GALNTL6: variants seen among roughly 807,000 people sequenced by gnomAD.
GALNTL6 encodes polypeptide N-acetylgalactosaminyltransferase like 6.
In GALNTL6, 46 loss-of-function variants were observed where a neutral mutation model predicts 73.7. The observed-to-expected ratio is 0.62, with a 90% CI of 0.49 to 0.80. The LOEUF is 0.80. GALNTL6 is among the 30% of genes least tolerant of loss of function. GALNTL6 has a pLI of 0.00. For synonymous variants in GALNTL6, 259 were observed against 263.7 expected, an observed-to-expected ratio of 0.98 and a Z score of 0.17; for missense variants, 604 against 755.0, an observed-to-expected ratio of 0.80 and a Z score of 2.34.
intron 4 of GALNTL6, among the ~76,000 whole-genome samples, chr4:172,338,788 G>T (rs1473194558): frequency 6.6e-6 from 1 of 152,160 alleles, no homozygotes; most frequent in African/African-American, 2.4e-5. Flanking sequence ...TCTGCCTAAA[G>T]GTTACCTGAA....
intron 8 of GALNTL6, among the ~76,000 whole-genome samples, chr4:172,891,267 T>C (rs1047554339): frequency 1.3e-5 from 2 of 152,314 alleles, no homozygotes; most frequent in South Asian, 4.1e-4. Context: ...GTCTATAGAC[T>C]ACATACTTGC....
At position 172,718,161 on chromosome 4, in the gene GALNTL6, T is replaced by C. The variant is rs577059141; in HGVS notation, c.554-91200T>C. 2.3e-4 allele frequency among the ~76,000 whole-genome samples: 35 copies of C among 152,340 alleles called. 1 individual carries two copies. The South Asian group carries it at 5.8e-3, about 25-fold the overall frequency. On this transcript the variant is annotated intron_variant, in intron 5 of 12. Transcript: ENST00000506823. ...TCTTTAGCAACTGAATAACTGCATT[T>C]CTATTGTGCAGATAATTCAGAAGAA...
intron 3 of GALNTL6, among the ~76,000 whole-genome samples, chr4:172,245,367 T>A (rs567771928): frequency 6.6e-5 from 10 of 152,158 alleles, no homozygotes; most frequent in Non-Finnish European, 1.0e-4. Context: ...TTGCCACTGT[T>A]GCCATAGACT....
intron 3 of GALNTL6, among the ~76,000 whole-genome samples, chr4:172,262,534 C>T (rs1024222537): frequency 2.6e-5 from 4 of 151,496 alleles, no homozygotes; most frequent in African/African-American, 4.8e-5. Flanking sequence ...AGGTAAGTTT[C>T]TTGAAGACAG....
chr4:172,802,785 C>A (rs1213074478), intron 5 of GALNTL6, among the ~76,000 whole-genome samples: 2 of 124,752 alleles, frequency 1.6e-5, no homozygotes, highest in Non-Finnish European at 3.4e-5. Flanking sequence ...AGTGAGACTC[C>A]GTCTCAAAAA....
chr4:172,374,077 C>T (rs1272678152), intron 5 of GALNTL6, among the ~76,000 whole-genome samples: 1 of 152,202 alleles, frequency 6.6e-6, no homozygotes, highest in Non-Finnish European at 1.5e-5. Context: ...AGCAGTGCAC[C>T]TTCCAGTGAT....
intron 5 of GALNTL6, among the ~76,000 whole-genome samples, chr4:172,530,940 TGTGTTATAAGCAAGAATCACCTGA>T (rs1735148957): frequency 1.5e-5 from 1 of 64,714 alleles, no homozygotes; most frequent in Non-Finnish European, 3.5e-5. Context: ...GTACTCGCCG[TGTGTTATAAGCAAGAATCACCTGA>T]ATGTAGATTT....
In GALNTL6 at chr4:172,311,708, C is replaced by T. The variant is rs1740367167; in HGVS notation, c.342C>T (p.Asn114=). ...RENGFNIFVS[N]NIALERSLPD... Reference sequence around the variant, plus strand: ...ATGGTTTTAATATTTTCGTCAGCAACAATATTGCTCTAGAGAGGTCTCTGC... The same window carrying T: ...ATGGTTTTAATATTTTCGTCAGCAATAATATTGCTCTAGAGAGGTCTCTGC... The change falls in exon 4 of 13, where the codon AAC becomes AAT. Residue 114 remains asparagine (N), a synonymous_variant. Coordinates refer to ENST00000506823, the MANE Select transcript of GALNTL6 (RefSeq NM_001034845.3). 3 of 1,609,740 alleles carry T rather than the reference C, an allele frequency of 1.9e-6. No individual in the cohort carries two copies. The highest frequency in any genetic ancestry group is 1.3e-5 in the African/African-American group (1 of 74,718).
intron 5 of GALNTL6, among the ~76,000 whole-genome samples, chr4:172,613,149 A>G (rs1353846518): frequency 1.3e-5 from 2 of 152,160 alleles, no homozygotes; most frequent in African/African-American, 4.8e-5. Flanking sequence ...CTTATTTCCC[A>G]GGATAAGAGA....
rs1055293604 is a variant in GALNTL6, at chr4:172,517,723, C to A, written c.553+169034C>A. Among the ~76,000 whole-genome samples the A allele has an allele frequency of 7.2e-5, 11 of 151,996 alleles. No homozygotes were observed. In the East Asian group the frequency reaches 2.1e-3, roughly 29 times the overall value. ...CTTCTAGTTGAAATGACTACACCAC[C>A]ATAAGAGTTTGTTTTTTAACACTTG... is the stretch of plus-strand genomic sequence containing the variant. On this transcript the variant is annotated intron_variant, in intron 5 of 12. Coordinates refer to ENST00000506823, the MANE Select transcript of GALNTL6 (RefSeq NM_001034845.3).
intron 2 of GALNTL6, among the ~76,000 whole-genome samples, chr4:172,128,401 A>G (rs1284859827): frequency 6.6e-6 from 1 of 152,178 alleles, no homozygotes; most frequent in East Asian, 1.9e-4. Flanking sequence ...AAATTTAAAT[A>G]AAGATCCTAT....
At chr4:172,221,388 A>G (rs564846237) in intron 2 of GALNTL6, among the ~76,000 whole-genome samples, 32 of 151,890 alleles carry the variant, frequency 2.1e-4, no homozygotes, top group African/African-American at 7.7e-4. Context: ...AGCAGGTTAT[A>G]AAACCCAGGC....
intron 5 of GALNTL6, among the ~76,000 whole-genome samples, chr4:172,756,367 G>A (rs769701807): frequency 4.6e-5 from 7 of 152,204 alleles, no homozygotes; most frequent in Non-Finnish European, 8.8e-5. Flanking sequence ...ATGGGGGCTG[G>A]GCGCTGTGGC....
At chr4:172,124,358 G>GA (rs1309271441) in intron 2 of GALNTL6, among the ~76,000 whole-genome samples, 1 of 152,112 alleles carries the variant, frequency 6.6e-6, no homozygotes, top group African/African-American at 2.4e-5. Flanking sequence ...AGGCCCAGCT[G>GA]AAAAATCCCA....
At chr4:171,934,420 T>C (rs920637372) in intron 2 of GALNTL6, among the ~76,000 whole-genome samples, 3 of 152,172 alleles carry the variant, frequency 2.0e-5, no homozygotes, top group Admixed American at 6.6e-5. Context: ...TACTTATTTA[T>C]TTTTGAGACA....
chr4:171,919,849 C>G (rs961715190), intron 2 of GALNTL6, among the ~76,000 whole-genome samples: 3 of 152,106 alleles, frequency 2.0e-5, no homozygotes, highest in African/African-American at 7.2e-5. Flanking sequence ...GTCAGTGTGG[C>G]AATTCCTCAG....
Position 172,941,770 on chromosome 4 carries a change from G to A in GALNTL6, c.1150-10267G>A, listed in dbSNP as rs369059532. ...TGCCATAATCTCAATAACCGAAAAT[G>A]CAACTCTTGCAAAGACGAGTAGGGC... On this transcript the variant is annotated intron_variant, in intron 9 of 12. Coordinates refer to ENST00000506823, the MANE Select transcript of GALNTL6 (RefSeq NM_001034845.3). 3.3e-5 allele frequency among the ~76,000 whole-genome samples: 5 copies of A among 152,174 alleles called. No individual in the cohort carries two copies. In the East Asian group the frequency reaches 9.6e-4, roughly 29 times the overall value.
intron 2 of GALNTL6, among the ~76,000 whole-genome samples, chr4:172,058,770 T>G (rs982306254): frequency 1.3e-5 from 2 of 152,208 alleles, no homozygotes; most frequent in Non-Finnish European, 2.9e-5. Flanking sequence ...ATGGCAATCT[T>G]ACTTCCCTCT....
At chr4:172,583,752 T>TA (rs1560820950) in intron 5 of GALNTL6, among the ~76,000 whole-genome samples, 2 of 151,312 alleles carry the variant, frequency 1.3e-5, no homozygotes, top group Admixed American at 6.6e-5. Flanking sequence ...ATACAAAAAT[T>TA]ATCCGGGGGT....
Sources: allele counts gnomAD v4.1 joint callset (sites outside exome capture counted in the v4.1 genomes callset), GRCh38; gene constraint gnomAD v4.1.1; transcripts MANE v1.5; gene names NCBI Gene and HGNC (gene_info 2026-07-23, HGNC 2026-07-21).